Variants in LRRC40 observed in about 807,000 individuals in gnomAD.
The protein encoded by LRRC40 is leucine-rich repeat-containing protein 40.
A neutral mutation model predicts 72.8 loss-of-function variants in LRRC40; 76 were observed. That is an observed-to-expected ratio of 1.04 (90% CI 0.87 to 1.26). LRRC40 has a LOEUF of 1.26. Among genes scored for constraint, LRRC40 ranks in the 50% most tolerant of loss-of-function variants. LRRC40 has a pLI of 0.00. For missense variants in LRRC40, 684 were observed against 698.9 expected, an observed-to-expected ratio of 0.98 and a Z score of 0.24; for synonymous variants, 243 against 254.2, an observed-to-expected ratio of 0.96 and a Z score of 0.42.
At chr1:70,158,684 G>A (rs1359057936) in intron 10 of LRRC40, among the ~76,000 whole-genome samples, 1 of 152,030 alleles carries the variant, frequency 6.6e-6, no homozygotes, top group Non-Finnish European at 1.5e-5. Flanking sequence ...TTATTACTAT[G>A]ATACATTATT....
Position 70,181,108 on chromosome 1 carries a change from T to A in LRRC40, c.639A>T (p.Pro213=). The A allele has an allele frequency of 1.3e-6, 2 of 1,556,794 alleles. No individual in the cohort carries two copies. Among genetic ancestry groups the A allele is most frequent in the South Asian group, 1.2e-5 (1 of 86,020 alleles). Residue 213 remains proline (P), a synonymous_variant, in exon 5 of 15, where the codon CCA becomes CCT. Coordinates refer to ENST00000370952, the MANE Select transcript of LRRC40 (RefSeq NM_017768.5). ...NLSSNELKSL[P]AEINRMKRLK... ...TACTTTTCATTCTATTTATTTCTGC[T>A]GGCAAACTCTTCAGTTCATTACTAG...
chr1:70,189,310 A>AG, intron 1 of LRRC40, 37 bp from the exon 2 acceptor site: 1 of 1,467,430 alleles, frequency 6.8e-7, no homozygotes, highest in African/African-American at 1.4e-5. Flanking sequence ...AAAAAAAAAA[A>AG]AAAAAAAAAG....
At chr1:70,200,242 G>T (rs1668706264) in intron 1 of LRRC40, among the ~76,000 whole-genome samples, 1 of 152,160 alleles carries the variant, frequency 6.6e-6, no homozygotes, top group Admixed American at 6.6e-5. Flanking sequence ...CAAGGCAGGA[G>T]GATTGTGGAC....
At chr1:70,199,479 T>C (rs1668690241) in intron 1 of LRRC40, among the ~76,000 whole-genome samples, 2 of 152,214 alleles carry the variant, frequency 1.3e-5, no homozygotes, top group Non-Finnish European at 2.9e-5. Flanking sequence ...CACTTATATA[T>C]GGATTTTCTG....
Position 70,155,708 on chromosome 1 carries a change from GTTGA to G in LRRC40, c.1305_1308del (p.Gln436TyrfsTer9), listed in dbSNP as rs1450163620. ...TCTTACCTTTTTGGAATTTCACATA[GTTGA>G]TTCTTACTGAAGTTAATAGAAGTGA... On this transcript the variant is annotated frameshift_variant, in exon 11 of 15. Coordinates refer to ENST00000370952, the MANE Select transcript of LRRC40 (RefSeq NM_017768.5). LOFTEE classifies it high-confidence loss of function. The G allele has an allele frequency of 6.5e-7, 1 of 1,544,550 alleles. No individual in the cohort carries two copies. Among genetic ancestry groups the G allele is most frequent in the Non-Finnish European group, 8.8e-7 (1 of 1,133,494 alleles).
At chr1:70,203,103 G>A (rs1030026300) in intron 1 of LRRC40, among the ~76,000 whole-genome samples, 17 of 152,070 alleles carry the variant, frequency 1.1e-4, no homozygotes, top group Admixed American at 6.6e-5. Context: ...GTTGCCTCAG[G>A]CTGGTCTTGA....
chr1:70,180,241 T>C (rs1380136266), intron 5 of LRRC40: 2 of 152,222 alleles, frequency 1.3e-5, no homozygotes, highest in African/African-American at 4.8e-5. Context: ...ACCTGCTCTG[T>C]TTCTGACCTG....
chr1:70,150,995 C>A (rs973764017), intron 13 of LRRC40, 133 bp downstream of exon 13: 1 of 543,020 alleles, frequency 1.8e-6, no homozygotes, highest in Admixed American at 3.6e-5. Flanking sequence ...CTAAGAAGAA[C>A]TAAGTGAAAA....
intron 5 of LRRC40, chr1:70,180,019 G>A (rs1211596709): frequency 2.0e-5 from 3 of 151,774 alleles, no homozygotes; most frequent in Admixed American, 2.0e-4. Flanking sequence ...CAAACAAAAG[G>A]GAGGTTTTAA....
At position 70,189,238 on chromosome 1, in the gene LRRC40, G is replaced by T. The variant is rs762098621; in HGVS notation, c.187C>A (p.Pro63Thr). 1 of 1,611,078 alleles carries T rather than the reference G, an allele frequency of 6.2e-7. No individual in the cohort carries two copies. The highest frequency in any genetic ancestry group is 8.5e-7 in the Non-Finnish European group (1 of 1,179,510). ...QCVWRINVDI[P>T]EEANQNLSFG... ...GAAAGATTCTGATTAGCTTCCTCAG[G>T]GATATCCACATTTATTCTCCAGACA... Residue 63 changes from proline to threonine, a missense_variant, in exon 2 of 15, where the codon CCT becomes ACT. Transcript: ENST00000370952.
At chr1:70,196,250 GCAATTTAAAAAA>G (rs1374357114) in intron 1 of LRRC40, among the ~76,000 whole-genome samples, 9 of 152,230 alleles carry the variant, frequency 5.9e-5, no homozygotes. Flanking sequence ...CTATTATTCA[GCAATTTAAAAAA>G]CTGCTGGCTG....
chr1:70,153,652 A>C (rs1315302979), intron 11 of LRRC40, among the ~76,000 whole-genome samples: 1 of 152,194 alleles, frequency 6.6e-6, no homozygotes, highest in Non-Finnish European at 1.5e-5. Flanking sequence ...TATGGTTTAT[A>C]AACAGAAAAA....
rs560769946 is a variant in LRRC40 at position 70,201,634 on chromosome 1, T to C, written c.151+3756A>G. On this transcript the variant is annotated intron_variant, in intron 1 of 14. Coordinates refer to ENST00000370952, the MANE Select transcript of LRRC40 (RefSeq NM_017768.5). Reference sequence around the variant, plus strand: ...GGCAAATGAGCATATGAAAAGACACTCAACATCATATGTCATTAGGAAATA... The same window carrying C: ...GGCAAATGAGCATATGAAAAGACACCCAACATCATATGTCATTAGGAAATA... 3.9e-5 allele frequency among the ~76,000 whole-genome samples: 6 copies of C among 152,226 alleles called. No homozygotes were observed. The East Asian group carries it at 1.2e-3, about 29-fold the overall frequency.
At chr1:70,166,988 A>G (rs999102830) in intron 9 of LRRC40, among the ~76,000 whole-genome samples, 1 of 152,138 alleles carries the variant, frequency 6.6e-6, no homozygotes, top group African/African-American at 2.4e-5. Flanking sequence ...AAGAGCTATG[A>G]AAAACTGAGA....
In LRRC40 at chr1:70,205,573, C is replaced by T. The variant is rs1668934358; in HGVS notation, c.-33G>A. On this transcript the variant is annotated 5_prime_UTR_variant, in exon 1 of 15. Transcript: ENST00000370952. ...GTCCTAGGTCCAGAAGCTGCAGCCC[C>T]ACCCGTGACGCTTAAAGGTGGCGCC... 7.0e-6 allele frequency: 11 copies of T among 1,561,498 alleles called. No homozygotes were observed. Among genetic ancestry groups the T allele is most frequent in the Non-Finnish European group, 9.6e-6 (11 of 1,141,956 alleles).
At chr1:70,150,354 A>T (rs1040097053) in intron 13 of LRRC40, among the ~76,000 whole-genome samples, 2 of 152,340 alleles carry the variant, frequency 1.3e-5, no homozygotes, top group African/African-American at 2.4e-5. Context: ...TTTACTATTT[A>T]TGCATACCTT....
intron 9 of LRRC40, among the ~76,000 whole-genome samples, chr1:70,160,983 G>A (rs1667745755): frequency 6.6e-6 from 1 of 151,584 alleles, no homozygotes; most frequent in East Asian, 1.9e-4. Context: ...GATCCTATAG[G>A]TTTCCAGAGA....
intron 10 of LRRC40, among the ~76,000 whole-genome samples, chr1:70,157,316 A>G (rs182347680): frequency 3.9e-5 from 6 of 152,308 alleles, no homozygotes; most frequent in African/African-American, 1.4e-4. Context: ...GTCAGACTTA[A>G]AAGATTCATG....
At chr1:70,159,681 T>A (rs1200722847) in intron 9 of LRRC40, among the ~76,000 whole-genome samples, 3 of 152,194 alleles carry the variant, frequency 2.0e-5, no homozygotes, top group African/African-American at 7.2e-5. Flanking sequence ...AAAGGAAATT[T>A]AGCAGTAAGA....
Sources: allele counts gnomAD v4.1 joint callset (sites outside exome capture counted in the v4.1 genomes callset), GRCh38; gene constraint gnomAD v4.1.1; transcripts MANE v1.5; gene names NCBI Gene and HGNC (gene_info 2026-07-23, HGNC 2026-07-21).